Variants in JADE2 observed in about 807,000 individuals in gnomAD.
JADE2 encodes jade family PHD finger 2, also known as E3 ubiquitin-protein ligase Jade-2.
In JADE2, 13 loss-of-function variants were observed where a neutral mutation model predicts 85.7. The observed-to-expected ratio is 0.15, with a 90% CI of 0.10 to 0.24. The LOEUF (loss-of-function observed/expected upper bound fraction) is 0.24. Ranked by LOEUF, JADE2 falls within the 10% of genes least tolerant of loss-of-function variation. The pLI, the probability that JADE2 is intolerant of heterozygous loss-of-function variation, is 1.00. For missense variants in JADE2, 846 were observed against 1,115.9 expected, an observed-to-expected ratio of 0.76 and a Z score of 3.45; for synonymous variants, 440 against 456.1, an observed-to-expected ratio of 0.96 and a Z score of 0.45.
In JADE2 at chr5:134,580,771, G is replaced by A. The variant is rs886676936; in HGVS notation, c.*1454G>A. 3 of 152,414 alleles carry A rather than the reference G, an allele frequency of 2.0e-5. No homozygotes were observed. The highest frequency in any genetic ancestry group is 7.3e-5 in the African/African-American group (3 of 41,358). 9.4% of individuals were successfully genotyped at this position (152,414 alleles called of 1,614,324 possible). ...ACTTTTTTTTAAATGGAGTTCTTTA[G>A]CAACAAAGTATAGAAACATGTTCAT... On this transcript the variant is annotated 3_prime_UTR_variant, in exon 12 of 12. Transcript: ENST00000681547.
chr5:134,541,191 C>A (rs1761941424), intron 3 of JADE2, among the ~76,000 whole-genome samples: 1 of 152,220 alleles, frequency 6.6e-6, no homozygotes, highest in South Asian at 2.1e-4. Flanking sequence ...TGAACTGTTG[C>A]CCAGCACAAG....
In JADE2 at chr5:134,566,938, G is replaced by T. The variant is rs1443085842; in HGVS notation, c.1434+358G>T. Reference sequence around the variant, plus strand: ...TTCTGGCACTTGCTTGCCTCTGTGGGCCCCGCCTGGTCCTAACACATGAGC... The same window carrying T: ...TTCTGGCACTTGCTTGCCTCTGTGGTCCCCGCCTGGTCCTAACACATGAGC... On this transcript the variant is annotated intron_variant, in intron 9 of 11. Coordinates refer to ENST00000681547, the MANE Select transcript of JADE2 (RefSeq NM_001388185.1). The surrounding 1 kb of genome is among the most constrained non-coding windows in gnomAD (Gnocchi z 6.7). Among the ~76,000 whole-genome samples, 1 of 152,194 alleles carries T rather than the reference G, an allele frequency of 6.6e-6. No homozygotes were observed. The highest frequency in any genetic ancestry group is 1.5e-5 in the Non-Finnish European group (1 of 68,038).
chr5:134,555,464 C>A (rs1024768288), intron 4 of JADE2, among the ~76,000 whole-genome samples: 2 of 152,240 alleles, frequency 1.3e-5, no homozygotes, highest in African/African-American at 4.8e-5. Flanking sequence ...GGTAGGAGAG[C>A]TTCCTTCAGA....
At chr5:134,577,107 C>A (rs951983159) in intron 11 of JADE2, 2 of 573,510 alleles carry the variant, frequency 3.5e-6, no homozygotes, top group Non-Finnish European at 3.0e-6. Context: ...GGAAATGCCC[C>A]GTCTGTAGAC....
At chr5:134,536,872 C>T (rs1339593338) in intron 2 of JADE2, 2 of 152,286 alleles carry the variant, frequency 1.3e-5, no homozygotes, top group Non-Finnish European at 2.9e-5. Context: ...GCCAAGGCCC[C>T]TCCTAGCTCC....
At chr5:134,541,545 G>A (rs2149895116) in intron 3 of JADE2, among the ~76,000 whole-genome samples, 1 of 152,336 alleles carries the variant, frequency 6.6e-6, no homozygotes, top group East Asian at 1.9e-4. Flanking sequence ...AAGCCTATGG[G>A]GTGGCTGTCA....
chr5:134,538,006 T>C lies in JADE2; in HGVS notation c.76T>C (p.Ser26Pro). Residue 26 changes from serine to proline, a missense_variant, in exon 3 of 12, where the codon TCC becomes CCC. Around this residue, in one of 9 missense-constraint regions of JADE2, gnomAD observed 47 missense variants for 42.2 expected, o/e 1.11. Transcript: ENST00000681547. ...CTCTGCAGGTCATGCGACATCTACA[T>C]CCGCATCAAGATGCTCCAAACTGCC... ...DTTDSHATST[S>P]ASRCSKLPSS... 1 of 1,614,010 alleles carries C rather than the reference T, an allele frequency of 6.2e-7. No homozygotes were observed. Among genetic ancestry groups the C allele is most frequent in the Non-Finnish European group, 8.5e-7 (1 of 1,179,916 alleles).
Position 134,580,452 on chromosome 5 carries a change from C to T in JADE2, c.*1135C>T, listed in dbSNP as rs898299578. On this transcript the variant is annotated 3_prime_UTR_variant, in exon 12 of 12. Coordinates refer to ENST00000681547, the MANE Select transcript of JADE2 (RefSeq NM_001388185.1). ...CCCCCCCCCGTCCTGCCATCCCCCCCCGCCGTCCTGCCTTCCCCACCCCAC... is the reference window on the plus strand; with the variant it reads ...CCCCCCCCCGTCCTGCCATCCCCCCTCGCCGTCCTGCCTTCCCCACCCCAC... 1 of 140,560 alleles carries T rather than the reference C, an allele frequency of 7.1e-6. No homozygotes were observed. The highest frequency in any genetic ancestry group is 2.6e-5 in the African/African-American group (1 of 39,008). The allele number at this position is 140,560 out of a possible 1,614,324, so 8.7% of individuals were successfully genotyped here.
chr5:134,536,273 T>A (rs1433467010), intron 2 of JADE2, among the ~76,000 whole-genome samples: 1 of 152,170 alleles, frequency 6.6e-6, no homozygotes, highest in Non-Finnish European at 1.5e-5. Flanking sequence ...CCAGTCACCT[T>A]TTACCATAAT....
At chr5:134,538,212 T>A in intron 3 of JADE2, 129 bp downstream of exon 3, 1 of 677,828 alleles carries the variant, frequency 1.5e-6, no homozygotes, top group Non-Finnish European at 2.6e-6. Flanking sequence ...CCGAGTGGAA[T>A]GAAGGGGAGT....
chr5:134,575,314 A>C (rs1186149806), intron 10 of JADE2: 1 of 152,308 alleles, frequency 6.6e-6, no homozygotes, highest in East Asian at 1.9e-4. Context: ...CGGCTGGACA[A>C]AGCCTCCTAG....
intron 9 of JADE2, 114 bp from the exon 10 acceptor site, chr5:134,573,531 G>A: frequency 1.3e-6 from 1 of 764,612 alleles, no homozygotes; most frequent in African/African-American, 1.7e-5. Flanking sequence ...AGGATAGGCT[G>A]TGGCGGTAGC....
In JADE2 at chr5:134,579,225, T is replaced by A. The variant is rs1561770598; in HGVS notation, c.2413T>A (p.Ser805Thr). The change falls in exon 12 of 12, where the codon TCA becomes ACA. Residue 805 changes from serine to threonine, a missense_variant. Coordinates refer to ENST00000681547, the MANE Select transcript of JADE2 (RefSeq NM_001388185.1). This position sits in a 1 kb window ranked among gnomAD's most constrained non-coding sequence, Gnocchi z 4.6. ...CTTCTCTGATGGGGAGATGAGCGAC[T>A]CAGATGTAGAGGCCGAGGACGGTGG... ...GYFSDGEMSD[S>T]DVEAEDGGVQ... 2 of 1,614,132 alleles carry A rather than the reference T, an allele frequency of 1.2e-6. No individual in the cohort carries two copies. The highest frequency in any genetic ancestry group is 1.6e-4 in the Middle Eastern group (1 of 6,062).
At chr5:134,546,300 T>G (rs1284450991) in intron 3 of JADE2, among the ~76,000 whole-genome samples, 1 of 152,114 alleles carries the variant, frequency 6.6e-6, no homozygotes, top group Non-Finnish European at 1.5e-5. Context: ...CCCCAGGTAG[T>G]TGGGACTACA....
At position 134,526,694 on chromosome 5, in the gene JADE2, C is replaced by T. The variant is rs1171198692; in HGVS notation, c.-1+683C>T. The T allele has an allele frequency of 1.0e-5, 10 of 985,334 alleles. No individual in the cohort carries two copies. In the Admixed American group the frequency reaches 5.5e-4, roughly 55 times the overall value. The allele number at this position is 985,334 out of a possible 1,614,324, so 61.0% of individuals were successfully genotyped here. ...CACGCGGGGGCAGCATGCTCGGCTC[C>T]TGGGGTTGGAGGCTCTGCACAAATT... On this transcript the variant is annotated intron_variant, in intron 1 of 11. Transcript: ENST00000681547.
chr5:134,576,729 G>T (rs1301812873), intron 10 of JADE2, 39 bp from the exon 11 acceptor site: 1 of 1,550,100 alleles, frequency 6.5e-7, no homozygotes, highest in South Asian at 1.2e-5. Flanking sequence ...GCCACTCAGG[G>T]TAACCATCTC....
At chr5:134,573,787 C>A in intron 10 of JADE2, 25 bp downstream of exon 10, 1 of 1,302,790 alleles carries the variant, frequency 7.7e-7, no homozygotes, top group Non-Finnish European at 1.1e-6. Context: ...CACCTGCCGC[C>A]GCCACCTCCC....
intron 1 of JADE2, among the ~76,000 whole-genome samples, chr5:134,526,912 G>T (rs1223174687): frequency 6.6e-6 from 1 of 152,006 alleles, no homozygotes; most frequent in Non-Finnish European, 1.5e-5. Flanking sequence ...GTGCGCGCCC[G>T]CGGGGCGACG....
chr5:134,533,599 A>C, intron 1 of JADE2: 1 of 984,688 alleles, frequency 1.0e-6, no homozygotes, highest in Non-Finnish European at 1.2e-6. Context: ...GGGTGGGTGC[A>C]CTTTTAGCAC....
Sources: gnomAD v4.1 joint callset for allele counts (sites outside exome capture counted in the v4.1 genomes callset) on GRCh38, gnomAD v4.1.1 for gene constraint, gnomAD v4.1.1 regional missense constraint, Gnocchi (gnomAD v3.1) non-coding constraint, MANE v1.5 for transcripts, NCBI Gene and HGNC (gene_info 2026-07-23, HGNC 2026-07-21) for gene names.